The following SLC7A5 variants were observed in gnomAD, a reference collection of about 807,000 sequenced individuals.
SLC7A5 encodes the protein large neutral amino acids transporter small subunit 1.
In SLC7A5, 23 loss-of-function variants were observed where a neutral mutation model predicts 50.2. That is an observed-to-expected ratio of 0.46 (90% CI 0.33 to 0.65). SLC7A5 has a LOEUF of 0.65. SLC7A5 is among the 30% of genes least tolerant of loss of function. The pLI is 0.02. For synonymous variants in SLC7A5, 393 were observed against 330.6 expected, an observed-to-expected ratio of 1.19 and a Z score of -2.05; for missense variants, 578 against 684.4, an observed-to-expected ratio of 0.84 and a Z score of 1.73.
chr16:87,835,806 C>A (rs1226407321), intron 8 of SLC7A5, among the ~76,000 whole-genome samples: 3 of 152,214 alleles, frequency 2.0e-5, no homozygotes, highest in African/African-American at 7.2e-5. Context: ...ACAGGCACCC[C>A]CGGGGCCCCC....
chr16:87,834,544 C>A lies in SLC7A5; in HGVS notation c.1338G>T (p.Leu446=). 1 of 1,599,110 alleles carries A rather than the reference C, an allele frequency of 6.3e-7. No homozygotes were observed. Among genetic ancestry groups the A allele is most frequent in the East Asian group, 2.3e-5 (1 of 44,356 alleles). ...GTGTCTTCCAGAAGGAGACGGCGATCAGGAAGAGGCAGGCCAGGATGAAGA... is the reference window on the plus strand; with the variant it reads ...GTGTCTTCCAGAAGGAGACGGCGATAAGGAAGAGGCAGGCCAGGATGAAGA... The part of the protein sequence containing the change: ...PVFFILACLF[L]IAVSFWKTPV... The change falls in exon 9 of 10, where the codon CTG becomes CTT. Residue 446 remains leucine, a synonymous_variant. Transcript: ENST00000261622.
chr16:87,849,728 C>T (rs1450569132), intron 2 of SLC7A5, among the ~76,000 whole-genome samples: 1 of 152,092 alleles, frequency 6.6e-6, no homozygotes. Flanking sequence ...AGTAAGGTGC[C>T]GGAACCTGAG....
intron 3 of SLC7A5, 144 bp downstream of exon 3, chr16:87,840,906 C>T: frequency 1.4e-6 from 1 of 691,620 alleles, no homozygotes; most frequent in South Asian, 1.5e-5. Flanking sequence ...TCACCTGCCA[C>T]TCTTTAACTG....
At position 87,830,851 on chromosome 16, in the gene SLC7A5, T is replaced by A. The variant is rs2054926567; in HGVS notation, c.*2119A>T. The A allele has an allele frequency of 6.6e-6, 1 of 152,236 alleles. No homozygotes were observed. The highest frequency in any genetic ancestry group is 1.5e-5 in the Non-Finnish European group (1 of 68,084). The allele number at this position is 152,236 out of a possible 1,614,324, so 9.4% of individuals were successfully genotyped here. Reference sequence around the variant, plus strand: ...GTCGAGAGGCCGCCGGCTCCCTGTATCCTTGAGGCATGTCCACGTCCCAGA... The same window carrying A: ...GTCGAGAGGCCGCCGGCTCCCTGTAACCTTGAGGCATGTCCACGTCCCAGA... On this transcript the variant is annotated 3_prime_UTR_variant, in exon 10 of 10. Coordinates refer to ENST00000261622, the MANE Select transcript of SLC7A5 (RefSeq NM_003486.7).
chr16:87,838,225 G>T (rs1157906478), intron 6 of SLC7A5, among the ~76,000 whole-genome samples: 1 of 152,162 alleles, frequency 6.6e-6, no homozygotes, highest in African/African-American at 2.4e-5. Flanking sequence ...CTCCAGGCAG[G>T]AGTGGGGAGG....
At position 87,869,178 on chromosome 16, in the gene SLC7A5, G is replaced by C. The variant is rs751320283; in HGVS notation, c.245C>G (p.Pro82Arg). The change falls in exon 1 of 10, where the codon CCG (proline) becomes CGG (arginine). Residue 82 changes from proline to arginine, a missense_variant. Physicochemically the swap from Pro to Arg is moderately radical, Grantham distance 103 (BLOSUM62 -2). Coordinates refer to ENST00000261622, the MANE Select transcript of SLC7A5 (RefSeq NM_003486.7). ...PTGVLKEAGS[P>R]GLALVVWAAC... Reference sequence around the variant, plus strand: ...GGCCCACACCACCAGCGCCAGCCCCGGCGAGCCTGCCTCCTTGAGCACGCC... The same window carrying C: ...GGCCCACACCACCAGCGCCAGCCCCCGCGAGCCTGCCTCCTTGAGCACGCC... The C allele has an allele frequency of 6.8e-6, 11 of 1,612,378 alleles. No individual in the cohort carries two copies. Among genetic ancestry groups the C allele is most frequent in the Non-Finnish European group, 9.3e-6 (11 of 1,179,772 alleles).
At chr16:87,851,939 CA>C in intron 1 of SLC7A5, 90 bp from the exon 2 acceptor site, 1 of 1,512,180 alleles carries the variant, frequency 6.6e-7, no homozygotes, top group Non-Finnish European at 9.1e-7. Context: ...ACCCCCACCC[CA>C]GGGCCAGGTC....
rs763671899 is a variant in SLC7A5 at position 87,851,761 on chromosome 16, G to C, written c.627C>G (p.Ala209=). The C allele has an allele frequency of 1.2e-6, 2 of 1,613,214 alleles. No homozygotes were observed. The highest frequency in any genetic ancestry group is 2.2e-5 in the South Asian group (2 of 91,080). The change falls in exon 2 of 10, where the codon GCC becomes GCG. Residue 209 remains alanine (A), a synonymous_variant. Transcript: ENST00000261622. ...AFAAAKLLAL[A]LIILLGFVQI... The stretch of plus-strand genomic sequence containing the variant: ...GGACGAAGCCCAGCAGGATGATCAG[G>C]GCCAGGGCCAGGAGCTTGGCGGCGG...
rs186410166 is a variant in SLC7A5, at chr16:87,854,421, T to C, written c.539-2572A>G. Among the ~76,000 whole-genome samples, 84 of 152,334 alleles carry C rather than the reference T, an allele frequency of 5.5e-4. No individual in the cohort carries two copies. In the South Asian group the frequency reaches 8.5e-3, roughly 15 times the overall value. ...TGAGATAAAATCTTAAACAAATACA[T>C]GAATTCATCTGGGTTCAGTACCTTT... On this transcript the variant is annotated intron_variant, in intron 1 of 9. Transcript: ENST00000261622.
intron 1 of SLC7A5, among the ~76,000 whole-genome samples, chr16:87,854,912 C>T (rs1196902972): frequency 1.3e-5 from 2 of 152,246 alleles, no homozygotes; most frequent in Admixed American, 6.5e-5. Context: ...TGTGTCTCCA[C>T]CACCCTTCAG....
At chr16:87,864,577 C>T (rs1381099164) in intron 1 of SLC7A5, among the ~76,000 whole-genome samples, 2 of 152,148 alleles carry the variant, frequency 1.3e-5, no homozygotes, top group Non-Finnish European at 2.9e-5. Context: ...CAGCAAAGCC[C>T]ACCTCTGCGA....
intron 8 of SLC7A5, 52 bp from the exon 9 acceptor site, chr16:87,834,643 C>T (rs1426898159): frequency 1.3e-6 from 2 of 1,548,326 alleles, no homozygotes; most frequent in Admixed American, 2.0e-5. Flanking sequence ...AGCCTCCCTC[C>T]CCCATGCCCC....
rs1451806157 is a variant in SLC7A5, at chr16:87,860,707, G to C, written c.538+8178C>G. 1.3e-5 allele frequency among the ~76,000 whole-genome samples: 2 copies of C among 152,214 alleles called. No homozygotes were observed. The highest frequency in any genetic ancestry group is 2.9e-5 in the Non-Finnish European group (2 of 68,032). ...AGCTCACACATACAGTGTCTCAGTA[G>C]TGACAGATGCTGGCCCACCCCGAGG... On this transcript the variant is annotated intron_variant, in intron 1 of 9. Transcript: ENST00000261622. This position sits in a 1 kb window ranked among gnomAD's most constrained non-coding sequence, Gnocchi z 4.8.
chr16:87,869,335 TGGC>T lies in SLC7A5; in HGVS notation c.85_87del (p.Ala29del), dbSNP rs761935535. On this transcript the variant is annotated inframe_deletion, in exon 1 of 10. Coordinates refer to ENST00000261622, the MANE Select transcript of SLC7A5 (RefSeq NM_003486.7). ...GCCGGCGCCGAGCCGTCCGCGCTCT[TGGC>T]GGCCAGCATCTTCTCCCGCGCCTCT... 19 of 1,609,748 alleles carry T rather than the reference TGGC, an allele frequency of 1.2e-5. No individual in the cohort carries two copies. The African/African-American group carries it at 2.4e-4, about 20-fold the overall frequency.
At chr16:87,865,656 A>G (rs2055451267) in intron 1 of SLC7A5, among the ~76,000 whole-genome samples, 1 of 152,188 alleles carries the variant, frequency 6.6e-6, no homozygotes, top group Admixed American at 6.5e-5. Flanking sequence ...GTAGTGAGCC[A>G]AGATCGTGCC....
At chr16:87,836,441 C>T in intron 8 of SLC7A5, 57 bp downstream of exon 8, 2 of 1,592,606 alleles carry the variant, frequency 1.3e-6, no homozygotes, top group Non-Finnish European at 8.5e-7. Context: ...GTCCTTAGGA[C>T]CCACGGACCC....
rs567972163 is a variant in SLC7A5, at chr16:87,834,747, G to A, written c.1291-156C>T. The A allele has an allele frequency of 1.5e-4, 117 of 768,780 alleles. No individual in the cohort carries two copies. In the African/African-American group the frequency reaches 1.7e-3, roughly 11 times the overall value. The allele number at this position is 768,780 out of a possible 1,614,324, so 47.6% of individuals were successfully genotyped here. A position where few individuals can be genotyped will look rare whatever the true frequency, so the allele number is the denominator to read the frequency against. ...CTGCACTCCATCTGCCTCACACACC[G>A]GGCTGTCCCGCCCTCGACTCTGCAT... On this transcript the variant is annotated intron_variant, in intron 8 of 9. Coordinates refer to ENST00000261622, the MANE Select transcript of SLC7A5 (RefSeq NM_003486.7).
chr16:87,859,058 C>T (rs2055356039), intron 1 of SLC7A5, among the ~76,000 whole-genome samples: 1 of 152,250 alleles, frequency 6.6e-6, no homozygotes, highest in Non-Finnish European at 1.5e-5. Flanking sequence ...TGCCCCCTCA[C>T]CTGTCAGGGA....
intron 2 of SLC7A5, among the ~76,000 whole-genome samples, chr16:87,846,371 C>T (rs2055154221): frequency 6.6e-6 from 1 of 152,260 alleles, no homozygotes; most frequent in Non-Finnish European, 1.5e-5. Flanking sequence ...ACAGCCTGTA[C>T]CCAGCTGGGA....
Sources: allele counts gnomAD v4.1 joint callset (sites outside exome capture counted in the v4.1 genomes callset), GRCh38; gene constraint gnomAD v4.1.1; non-coding constraint Gnocchi (gnomAD v3.1); transcripts MANE v1.5; gene names NCBI Gene and HGNC (gene_info 2026-07-23, HGNC 2026-07-21).